EYA3: variants seen among roughly 807,000 people sequenced by gnomAD.
EYA3 encodes EYA transcriptional coactivator and phosphatase 3.
A neutral mutation model predicts 80.0 loss-of-function variants in EYA3; 39 were observed. The observed-to-expected ratio is 0.49, with a 90% CI of 0.38 to 0.64. The LOEUF is 0.64. EYA3 is among the 30% of genes least tolerant of loss of function. The pLI is 0.00. For synonymous variants in EYA3, 206 were observed against 232.8 expected (o/e 0.88, Z 1.05); for missense variants, 523 against 676.1 (o/e 0.77, Z 2.51).
chr1:28,073,721 C>A (rs1434734110), intron 1 of EYA3, among the ~76,000 whole-genome samples: 1 of 152,084 alleles, frequency 6.6e-6, no homozygotes, highest in Non-Finnish European at 1.5e-5. Flanking sequence ...CAGATGTGAG[C>A]CACCGCACCT....
At chr1:28,025,061 C>T (rs1381331500) in intron 7 of EYA3, among the ~76,000 whole-genome samples, 1 of 152,088 alleles carries the variant, frequency 6.6e-6, no homozygotes, top group East Asian at 1.9e-4. Flanking sequence ...AAAGAAACAG[C>T]CCTGGATAGC....
intron 7 of EYA3, among the ~76,000 whole-genome samples, chr1:28,020,694 G>GTGTGTGTGTGTT (rs1304333008): frequency 1.9e-5 from 2 of 104,022 alleles, no homozygotes; most frequent in African/African-American, 5.3e-5. Flanking sequence ...GTGTGTGTGT[G>GTGTGTGTGTGTT]TGTGTGTGTG....
Position 27,993,445 on chromosome 1 carries a change from G to T in EYA3, c.1258C>A (p.Arg420=), listed in dbSNP as rs1229159382. The change falls in exon 14 of 18, where the codon CGG becomes AGG. Residue 420 remains arginine, a synonymous_variant. Coordinates refer to ENST00000373871, the MANE Select transcript of EYA3 (RefSeq NM_001990.4). ...TTATCATAGATTTCTCTCACTTTCC[G>T]GTAGCGGAAAGCTAGTTTCCTCATC... ...DWMRKLAFRY[R]KVREIYDKHK... The T allele has an allele frequency of 3.1e-6, 5 of 1,613,276 alleles. No individual in the cohort carries two copies. In the South Asian group the frequency reaches 5.5e-5, roughly 18 times the overall value.
chr1:28,026,783 C>T (rs928634682), intron 7 of EYA3, among the ~76,000 whole-genome samples: 2 of 149,156 alleles, frequency 1.3e-5, no homozygotes, highest in African/African-American at 4.9e-5. Context: ...GAAGAGGAAA[C>T]AAGTGAAGAA....
At chr1:28,037,419 A>G (rs1036595524) in intron 5 of EYA3, among the ~76,000 whole-genome samples, 3 of 152,234 alleles carry the variant, frequency 2.0e-5, no homozygotes, top group African/African-American at 7.2e-5. Context: ...AAAAATAACT[A>G]TTCTTCTTAG....
intron 1 of EYA3, among the ~76,000 whole-genome samples, chr1:28,064,359 C>A (rs1644750943): frequency 7.3e-6 from 1 of 137,410 alleles, no homozygotes; most frequent in Non-Finnish European, 1.6e-5. Context: ...AGCAAGCCAT[C>A]CTCTCTCTCT....
rs949601100 is a variant in EYA3, at chr1:27,989,947, T to TAC, written c.1304-138_1304-137dup. On this transcript the variant is annotated intron_variant, in intron 14 of 17. Coordinates refer to ENST00000373871, the MANE Select transcript of EYA3 (RefSeq NM_001990.4). ...CTGAGTATGTTTATATATATATATA[T>TAC]ACATATACGTATTTTTTTCCCATGA... 6 of 400,980 alleles carry TAC rather than the reference T, an allele frequency of 1.5e-5. No homozygotes were observed. In the East Asian group the frequency reaches 1.7e-4, roughly 12 times the overall value. 24.8% of individuals were successfully genotyped at this position (400,980 alleles called of 1,614,324 possible).
chr1:28,076,089 A>T (rs886609650), intron 1 of EYA3, among the ~76,000 whole-genome samples: 7 of 152,158 alleles, frequency 4.6e-5, no homozygotes, highest in Non-Finnish European at 8.8e-5. Context: ...CACAAATCAC[A>T]TTTCTGTAAC....
intron 6 of EYA3, among the ~76,000 whole-genome samples, chr1:28,034,429 G>C (rs1416507025): frequency 2.0e-5 from 3 of 152,126 alleles, no homozygotes; most frequent in African/African-American, 7.2e-5. Context: ...TTCAGTGTTG[G>C]CTGGTTAATC....
At chr1:27,978,758 A>G (rs1009402590) in intron 16 of EYA3, among the ~76,000 whole-genome samples, 6 of 152,168 alleles carry the variant, frequency 3.9e-5, no homozygotes, top group Non-Finnish European at 8.8e-5. Context: ...GAGGTCGGGA[A>G]TTTGAGACCA....
chr1:27,988,593 G>A lies in EYA3; in HGVS notation c.1482C>T (p.Leu494=), dbSNP rs766903598. The change falls in exon 16 of 18, where the codon CTC becomes CTT. Residue 494 remains leucine (L), a synonymous_variant. Transcript: ENST00000373871. ...GAAATATTTCTCCTAGTCCATATAG[G>A]AGAACCTTGGCCAGGGCTGGAACCA... ...TQLVPALAKV[L]LYGLGEIFPI... is the part of the protein sequence containing the mutation. The A allele has an allele frequency of 6.8e-6, 11 of 1,614,078 alleles. No individual in the cohort carries two copies. The East Asian group carries it at 2.5e-4, about 36-fold the overall frequency.
At chr1:28,029,805 G>A (rs907231895) in intron 6 of EYA3, among the ~76,000 whole-genome samples, 2 of 151,684 alleles carry the variant, frequency 1.3e-5, no homozygotes, top group Admixed American at 6.6e-5. Flanking sequence ...ATGTTGGTCA[G>A]GCTGGTCTCG....
At chr1:28,006,577 G>C (rs762599148) in intron 10 of EYA3, among the ~76,000 whole-genome samples, 1 of 151,886 alleles carries the variant, frequency 6.6e-6, no homozygotes, top group Admixed American at 6.6e-5. Flanking sequence ...GTGGTGGCAC[G>C]CGCCTGTAAT....
intron 4 of EYA3, among the ~76,000 whole-genome samples, chr1:28,041,033 A>C (rs1215289762): frequency 2.0e-5 from 3 of 152,224 alleles, no homozygotes; most frequent in Non-Finnish European, 4.4e-5. Context: ...AATAGCCTCT[A>C]TATCTGACAA....
intron 4 of EYA3, among the ~76,000 whole-genome samples, chr1:28,039,947 T>C (rs778069322): frequency 6.6e-6 from 1 of 152,206 alleles, no homozygotes; most frequent in Non-Finnish European, 1.5e-5. Context: ...ATAATGGTTC[T>C]CAGTTGACAC....
intron 1 of EYA3, among the ~76,000 whole-genome samples, chr1:28,084,556 A>ATATATATATATAT (rs1645543986): frequency 6.1e-5 from 2 of 32,730 alleles, no homozygotes; most frequent in African/African-American, 1.2e-4. Context: ...ACTATTCCAA[A>ATATATATATATAT]ATATATATAT....
At position 28,058,076 on chromosome 1, in the gene EYA3, T is replaced by G. The variant is rs1247152153; in HGVS notation, c.-50A>C. On this transcript the variant is annotated 5_prime_UTR_variant, in exon 2 of 18. Transcript: ENST00000373871. Reference sequence around the variant, plus strand: ...CTTATGTGACTGGATTGCAAGTCTCTCTCAGCAGTTTTCACAATCTGTTTT... The same window carrying G: ...CTTATGTGACTGGATTGCAAGTCTCGCTCAGCAGTTTTCACAATCTGTTTT... The G allele has an allele frequency of 6.8e-7, 1 of 1,473,194 alleles. No homozygotes were observed. Among genetic ancestry groups the G allele is most frequent in the Admixed American group, 2.0e-5 (1 of 50,028 alleles). The allele number at this position is 1,473,194 out of a possible 1,614,324, so 91.3% of individuals were successfully genotyped here.
At chr1:27,989,208 G>C (rs546668181) in intron 15 of EYA3, among the ~76,000 whole-genome samples, 4 of 152,322 alleles carry the variant, frequency 2.6e-5, no homozygotes, top group Admixed American at 2.6e-4. Flanking sequence ...TTGCGGGAGG[G>C]AGTAATAGGG....
intron 1 of EYA3, among the ~76,000 whole-genome samples, chr1:28,074,289 C>T (rs1266177112): frequency 6.6e-6 from 1 of 152,062 alleles, no homozygotes; most frequent in Non-Finnish European, 1.5e-5. Context: ...TAGAACTATA[C>T]AACATACAAT....
Sources: allele counts gnomAD v4.1 joint callset (sites outside exome capture counted in the v4.1 genomes callset), GRCh38; gene constraint gnomAD v4.1.1; transcripts MANE v1.5; gene names NCBI Gene and HGNC (gene_info 2026-07-23, HGNC 2026-07-21).